Variants in TRPM3 observed in about 807,000 individuals in gnomAD.
TRPM3 encodes the protein long transient receptor potential channel 3.
In TRPM3, 77 loss-of-function variants were observed where a neutral mutation model predicts 181.2. The observed-to-expected ratio is 0.42, with a 90% CI of 0.35 to 0.51. The LOEUF is 0.51. Among genes scored for constraint, TRPM3 ranks in the 20% least tolerant of loss-of-function variants. The probability of loss-of-function intolerance (pLI) is 0.01; values close to 1 mark genes in which losing one functional copy is unlikely to be tolerated. For missense variants in TRPM3, 1,759 were observed against 2,196.7 expected (o/e 0.80, Z 3.98); for synonymous variants, 745 against 796.4 (o/e 0.94, Z 1.09).
chr9:71,093,620 C>T (rs182743372), intron 1 of TRPM3, among the ~76,000 whole-genome samples: 14 of 152,262 alleles, frequency 9.2e-5, no homozygotes, highest in South Asian at 4.1e-4. Flanking sequence ...GAAATAGGAA[C>T]GCTTTTAAAC....
chr9:71,428,795 G>A (rs11142825), intron 1 of TRPM3, among the ~76,000 whole-genome samples: 12,163 of 151,930 alleles, frequency 0.08, 647 homozygotes, highest in East Asian at 0.14. Flanking sequence ...CTTTCTCATG[G>A]CTCCTTTTAA....
Position 70,697,569 on chromosome 9 carries a change from G to A in TRPM3, c.1273-15991C>T, listed in dbSNP as rs866274518. ...ACTCTGCATAAAAATTATAGGCTAC[G>A]ATTTTCAGACTATTAACTTTTTTTT... On this transcript the variant is annotated intron_variant, in intron 8 of 25. Transcript: ENST00000677713. Among the ~76,000 whole-genome samples the A allele has an allele frequency of 3.9e-5, 6 of 152,256 alleles. No homozygotes were observed. The South Asian group carries it at 6.2e-4, about 16-fold the overall frequency.
At chr9:70,700,641 G>A (rs2072212560) in intron 8 of TRPM3, among the ~76,000 whole-genome samples, 1 of 152,206 alleles carries the variant, frequency 6.6e-6, no homozygotes. Flanking sequence ...GCTGTCAACA[G>A]CTTTTTAGAC....
At chr9:71,054,255 G>T (rs1435105329) in intron 1 of TRPM3, among the ~76,000 whole-genome samples, 1 of 152,096 alleles carries the variant, frequency 6.6e-6, no homozygotes, top group Non-Finnish European at 1.5e-5. Flanking sequence ...TTCCAAGAAG[G>T]CTGATTTTGT....
chr9:70,676,209 A>C (rs2063962823), intron 9 of TRPM3, among the ~76,000 whole-genome samples: 1 of 152,238 alleles, frequency 6.6e-6, no homozygotes, highest in Non-Finnish European at 1.5e-5. Context: ...AGTGAAGATT[A>C]AACCCAAAGA....
intron 6 of TRPM3, among the ~76,000 whole-genome samples, chr9:70,808,840 G>T (rs142647618): frequency 6.6e-6 from 1 of 152,316 alleles, no homozygotes; most frequent in Non-Finnish European, 1.5e-5. Context: ...TAGAAAGTTT[G>T]CATGATTGGG....
intron 1 of TRPM3, among the ~76,000 whole-genome samples, chr9:71,413,550 G>A (rs2093593404): frequency 6.6e-6 from 1 of 152,042 alleles, no homozygotes; most frequent in African/African-American, 2.4e-5. Flanking sequence ...AATGAATAGT[G>A]CTTACTGAAT....
chr9:71,294,181 G>C (rs995348252), intron 1 of TRPM3, among the ~76,000 whole-genome samples: 5 of 151,798 alleles, frequency 3.3e-5, no homozygotes, highest in African/African-American at 1.2e-4. Flanking sequence ...TTTATCAAGA[G>C]GAACCATGAA....
intron 7 of TRPM3, among the ~76,000 whole-genome samples, chr9:70,771,216 C>T (rs773130318): frequency 2.6e-5 from 4 of 152,082 alleles, no homozygotes; most frequent in African/African-American, 4.8e-5. Context: ...AGAGAAGGCA[C>T]AAATCAGCAA....
At chr9:71,236,240 A>C (rs2081343488) in intron 1 of TRPM3, among the ~76,000 whole-genome samples, 1 of 152,152 alleles carries the variant, frequency 6.6e-6, no homozygotes, top group Non-Finnish European at 1.5e-5. Context: ...AACTTTCCCC[A>C]TGTATGGATT....
intron 1 of TRPM3, among the ~76,000 whole-genome samples, chr9:71,169,300 C>T (rs116441861): frequency 9.0e-4 from 137 of 152,280 alleles, no homozygotes; most frequent in African/African-American, 3.1e-3. Flanking sequence ...CTCCAGTCTG[C>T]AATACATGCT....
chr9:70,649,344 A>G (rs2133759624), intron 9 of TRPM3, among the ~76,000 whole-genome samples: 1 of 152,200 alleles, frequency 6.6e-6, no homozygotes, highest in South Asian at 2.1e-4. Flanking sequence ...GTTTGCCACC[A>G]TGCCTGGCTA....
chr9:71,194,506 C>T (rs543605225), intron 1 of TRPM3, among the ~76,000 whole-genome samples: 29 of 151,916 alleles, frequency 1.9e-4, no homozygotes, highest in Middle Eastern at 3.4e-3. Flanking sequence ...GCTAGAGTCC[C>T]CAAAGTGAGC....
chr9:71,070,343 T>C (rs1166941239), intron 1 of TRPM3, among the ~76,000 whole-genome samples: 1 of 152,240 alleles, frequency 6.6e-6, no homozygotes, highest in Non-Finnish European at 1.5e-5. Context: ...GAAATTCAGC[T>C]ATACAGCTCT....
intron 8 of TRPM3, among the ~76,000 whole-genome samples, chr9:70,753,895 G>A (rs1415223586): frequency 2.0e-5 from 3 of 152,128 alleles, no homozygotes; most frequent in Non-Finnish European, 4.4e-5. Context: ...GGGGAGTAGA[G>A]TGAATGATAG....
At chr9:70,635,153 C>G (rs951904466) in intron 12 of TRPM3, 58 bp downstream of exon 12, 3 of 1,509,718 alleles carry the variant, frequency 2.0e-6, no homozygotes, top group South Asian at 1.1e-5. Context: ...GAGGCACTCT[C>G]TAATCACAGG....
At chr9:70,607,459 T>A (rs528167015) in intron 19 of TRPM3, among the ~76,000 whole-genome samples, 18 of 152,290 alleles carry the variant, frequency 1.2e-4, no homozygotes, top group African/African-American at 4.1e-4. Flanking sequence ...TGAACAGATC[T>A]GGGGGATCCA....
chr9:70,820,635 C>T (rs1588829001), intron 6 of TRPM3, among the ~76,000 whole-genome samples: 1 of 152,290 alleles, frequency 6.6e-6, no homozygotes, highest in African/African-American at 2.4e-5. Flanking sequence ...AGACATGGCA[C>T]ATGGCACTGA....
Position 70,536,724 on chromosome 9 carries a change from T to G in TRPM3, c.4389A>C (p.Thr1463=). 6.2e-7 allele frequency: 1 copy of G among 1,614,196 alleles called. No individual in the cohort carries two copies. Among genetic ancestry groups the G allele is most frequent in the South Asian group, 1.1e-5 (1 of 91,084 alleles). ...SSSAYATLAP[T]DRPPSRSIDF... ...CAATGCTCCGGCTTGGAGGTCTGTC[T>G]GTGGGTGCAAGTGTTGCATAGGCAC... Residue 1463 remains threonine (T), a synonymous_variant, in exon 26 of 26, where the codon ACA becomes ACC. Coordinates refer to ENST00000677713, the MANE Select transcript of TRPM3 (RefSeq NM_001366145.2).
Sources: gnomAD v4.1 joint callset for allele counts (sites outside exome capture counted in the v4.1 genomes callset) on GRCh38, gnomAD v4.1.1 for gene constraint, MANE v1.5 for transcripts, NCBI Gene and HGNC (gene_info 2026-07-23, HGNC 2026-07-21) for gene names.